AK8: variants seen among roughly 807,000 people sequenced by gnomAD.
AK8 encodes the protein ATP-AMP transphosphorylase 8.
A neutral mutation model predicts 54.6 loss-of-function variants in AK8; 44 were observed. That is an observed-to-expected ratio of 0.81 (90% CI 0.63 to 1.04). The LOEUF (loss-of-function observed/expected upper bound fraction) is 1.04. Among genes scored for constraint, AK8 ranks in the 50% least tolerant of loss-of-function variants. The pLI, the probability that AK8 is intolerant of heterozygous loss-of-function variation, is 0.00. For missense variants in AK8, 555 were observed against 613.6 expected, an observed-to-expected ratio of 0.90 and a Z score of 1.01; for synonymous variants, 239 against 245.6, an observed-to-expected ratio of 0.97 and a Z score of 0.25.
intron 5 of AK8, among the ~76,000 whole-genome samples, chr9:132,835,849 C>T (rs1403870174): frequency 2.0e-5 from 3 of 152,138 alleles, no homozygotes; most frequent in Non-Finnish European, 1.5e-5. Flanking sequence ...TTAGGCCAGG[C>T]GCAGTGGCTC....
At chr9:132,748,363 TG>T (rs1180860148) in intron 11 of AK8, among the ~76,000 whole-genome samples, 1 of 150,250 alleles carries the variant, frequency 6.7e-6, no homozygotes, top group East Asian at 1.9e-4. Context: ...GTGGGCAGAA[TG>T]GGGACAAGGA....
chr9:132,818,616 A>G lies in AK8; in HGVS notation c.890-3889T>C, dbSNP rs1841438073. ...AATAGAAGAAAGAAAATGGATTACT[A>G]AAAAATACTTGGTTAATCCAAAAGG... On this transcript the variant is annotated intron_variant, in intron 9 of 12. Transcript: ENST00000298545. 2.6e-5 allele frequency among the ~76,000 whole-genome samples: 4 copies of G among 152,190 alleles called. No homozygotes were observed. In the South Asian group the frequency reaches 8.3e-4, roughly 32 times the overall value.
chr9:132,875,177 A>G lies in AK8; in HGVS notation c.107T>C (p.Ile36Thr), dbSNP rs1358585824. 8 of 1,614,148 alleles carry G rather than the reference A, an allele frequency of 5.0e-6. No homozygotes were observed. The East Asian group carries it at 1.6e-4, about 31-fold the overall frequency. The part of the protein sequence containing the change: ...LMQNMLEQLL[I>T]HQPEDPIPFM... ...GGGGATGGGATCTTCGGGCTGGTGG[A>G]TCAGGAGTTGCTCCAGCATGTTCTG... is the stretch of plus-strand genomic sequence containing the variant. Residue 36 changes from isoleucine to threonine, a missense_variant, in exon 2 of 13, where the codon ATC becomes ACC. Coordinates refer to ENST00000298545, the MANE Select transcript of AK8 (RefSeq NM_152572.3).
chr9:132,809,472 G>A (rs1840893474), intron 10 of AK8, among the ~76,000 whole-genome samples: 2 of 152,254 alleles, frequency 1.3e-5, no homozygotes, highest in African/African-American at 4.8e-5. Context: ...CCGCTGGCAG[G>A]CACTGGCCCA....
At chr9:132,813,893 C>T (rs1318495370) in intron 10 of AK8, among the ~76,000 whole-genome samples, 1 of 152,200 alleles carries the variant, frequency 6.6e-6, no homozygotes, top group Admixed American at 6.5e-5. Flanking sequence ...CCGGTCAACA[C>T]TCACATCTGC....
intron 11 of AK8, among the ~76,000 whole-genome samples, chr9:132,745,174 G>A (rs1837583633): frequency 6.6e-6 from 1 of 152,086 alleles, no homozygotes. Context: ...TTTACGGTGG[G>A]GCCTTATGAA....
At chr9:132,802,607 G>A (rs975031442) in intron 10 of AK8, among the ~76,000 whole-genome samples, 4 of 152,268 alleles carry the variant, frequency 2.6e-5, no homozygotes, top group South Asian at 2.1e-4. Flanking sequence ...CATTCCAAGC[G>A]TGCCCTCCCA....
intron 9 of AK8, among the ~76,000 whole-genome samples, chr9:132,818,997 G>A (rs1250747399): frequency 6.6e-6 from 1 of 152,158 alleles, no homozygotes; most frequent in African/African-American, 2.4e-5. Flanking sequence ...ATTAACATCA[G>A]ACAAAGTGGA....
At position 132,821,770 on chromosome 9, in the gene AK8, TATATG is replaced by T. The variant is rs1564421313; in HGVS notation, c.889+1430_889+1434del. On this transcript the variant is annotated intron_variant, in intron 9 of 12. Coordinates refer to ENST00000298545, the MANE Select transcript of AK8 (RefSeq NM_152572.3). ...GTATATACAAATATATACATATATG[TATATG>T]TGTATGTATATACAAATATATACAT... Among the ~76,000 whole-genome samples the T allele has an allele frequency of 1.2e-3, 129 of 111,590 alleles. 7 individuals are homozygous for T. In the East Asian group the frequency reaches 0.022, roughly 19 times the overall value. The allele number at this position is 111,590 out of a possible 152,430, so 73.2% of individuals were successfully genotyped here.
At chr9:132,796,086 C>A (rs1394480372) in intron 10 of AK8, among the ~76,000 whole-genome samples, 1 of 152,174 alleles carries the variant, frequency 6.6e-6, no homozygotes, top group Non-Finnish European at 1.5e-5. Flanking sequence ...AGTTAGGAAA[C>A]TGAAGCCCAA....
Position 132,810,176 on chromosome 9 carries a change from G to A in AK8, c.979+4462C>T, listed in dbSNP as rs78310364. 8.5e-3 allele frequency among the ~76,000 whole-genome samples: 1,296 copies of A among 152,358 alleles called. 11 individuals carry two copies. Among genetic ancestry groups the A allele is most frequent in the Middle Eastern group, 0.017 (5 of 294 alleles). On this transcript the variant is annotated intron_variant, in intron 10 of 12. Coordinates refer to ENST00000298545, the MANE Select transcript of AK8 (RefSeq NM_152572.3). Reference sequence around the variant, plus strand: ...GACAGAATTTATTGCTTCCGTTAGGGAGATATGATATTGGTTGTTGTTGTG... The same window carrying A: ...GACAGAATTTATTGCTTCCGTTAGGAAGATATGATATTGGTTGTTGTTGTG...
At chr9:132,746,545 T>G (rs1467013287) in intron 11 of AK8, among the ~76,000 whole-genome samples, 2 of 152,228 alleles carry the variant, frequency 1.3e-5, no homozygotes, top group Non-Finnish European at 2.9e-5. Context: ...CCCAATTTAG[T>G]TAGCCAATAC....
At position 132,774,950 on chromosome 9, in the gene AK8, G is replaced by A. The variant is rs138073203; in HGVS notation, c.1121+17684C>T. On this transcript the variant is annotated intron_variant, in intron 11 of 12. Coordinates refer to ENST00000298545, the MANE Select transcript of AK8 (RefSeq NM_152572.3). ...ACAGGAGGGAAAGAAATTGAGATGCGCTTTGCCAATGAAGAGTTGTAAACC... is the reference window on the plus strand; with the variant it reads ...ACAGGAGGGAAAGAAATTGAGATGCACTTTGCCAATGAAGAGTTGTAAACC... Among the ~76,000 whole-genome samples, 580 of 152,302 alleles carry A rather than the reference G, an allele frequency of 3.8e-3. 4 individuals carry two copies. Among genetic ancestry groups the A allele is most frequent in the African/African-American group, 0.013 (545 of 41,562 alleles).
At chr9:132,772,129 GGAC>G (rs1438911534) in intron 11 of AK8, among the ~76,000 whole-genome samples, 1 of 152,052 alleles carries the variant, frequency 6.6e-6, no homozygotes, top group African/African-American at 2.4e-5. Context: ...ATTTGGGTGG[GGAC>G]ACAGCCAAAC....
intron 11 of AK8, among the ~76,000 whole-genome samples, chr9:132,729,322 C>G (rs1184737765): frequency 3.3e-5 from 5 of 152,168 alleles, no homozygotes; most frequent in Non-Finnish European, 1.5e-5. Context: ...ATGTACAGGA[C>G]AGCACCCACC....
intron 11 of AK8, among the ~76,000 whole-genome samples, chr9:132,771,159 T>C (rs1211501870): frequency 2.0e-5 from 3 of 152,198 alleles, no homozygotes; most frequent in Non-Finnish European, 4.4e-5. Context: ...ACTCAGCCTC[T>C]TGGAGCCTCA....
chr9:132,727,196 T>G (rs986113328), intron 12 of AK8, among the ~76,000 whole-genome samples: 1 of 152,154 alleles, frequency 6.6e-6, no homozygotes. Flanking sequence ...GGGATTAAGC[T>G]GTTGATCCCA....
intron 11 of AK8, among the ~76,000 whole-genome samples, chr9:132,730,555 C>T (rs1836792237): frequency 6.6e-6 from 1 of 151,344 alleles, no homozygotes; most frequent in Admixed American, 6.6e-5. Context: ...GGGCCAGTTG[C>T]ATCAGAATCC....
intron 11 of AK8, among the ~76,000 whole-genome samples, chr9:132,752,512 G>A (rs1837983452): frequency 6.6e-6 from 1 of 152,208 alleles, no homozygotes; most frequent in East Asian, 1.9e-4. Context: ...GCCTCCCAAA[G>A]TGCTGGGATT....
Sources: allele counts gnomAD v4.1 joint callset (sites outside exome capture counted in the v4.1 genomes callset), GRCh38; gene constraint gnomAD v4.1.1; transcripts MANE v1.5; gene names NCBI Gene and HGNC (gene_info 2026-07-23, HGNC 2026-07-21).